Variants in MCPH1 observed in about 807,000 individuals in gnomAD.
MCPH1 encodes the protein microcephalin.
In MCPH1, 104 loss-of-function variants were observed where a neutral mutation model predicts 84.5. The observed-to-expected ratio is 1.23, with a 90% CI of 1.05 to 1.45. The LOEUF (loss-of-function observed/expected upper bound fraction) is 1.45, where lower values mean the gene tolerates loss of function less well. Ranked by LOEUF, MCPH1 falls within the 40% of genes most tolerant of loss-of-function variation. The probability of loss-of-function intolerance (pLI) is 0.00; values close to 1 mark genes in which losing one functional copy is unlikely to be tolerated. For missense variants in MCPH1, 1,498 were observed against 1,005.7 expected, an observed-to-expected ratio of 1.49 and a Z score of -6.62; for synonymous variants, 514 against 366.8, an observed-to-expected ratio of 1.40 and a Z score of -4.58.
intron 4 of MCPH1, among the ~76,000 whole-genome samples, chr8:6,433,392 G>A (rs1585729315): frequency 6.6e-6 from 1 of 152,088 alleles, no homozygotes; most frequent in Non-Finnish European, 1.5e-5. Flanking sequence ...CAGCACTTCA[G>A]AAGGCCAAGG....
intron 12 of MCPH1, among the ~76,000 whole-genome samples, chr8:6,512,227 T>C (rs1815287897): frequency 6.6e-6 from 1 of 152,240 alleles, no homozygotes; most frequent in Non-Finnish European, 1.5e-5. Context: ...CAGCAGGACA[T>C]ACTGGGCATT....
chr8:6,525,119 C>T (rs1438650341), intron 12 of MCPH1, among the ~76,000 whole-genome samples: 1 of 152,226 alleles, frequency 6.6e-6, no homozygotes, highest in Non-Finnish European at 1.5e-5. Context: ...CTCTTTAACC[C>T]TGCAAACAAT....
Position 6,431,540 on chromosome 8 carries a change from C to T in MCPH1, c.275C>T (p.Pro92Leu), listed in dbSNP as rs374287463. Residue 92 changes from proline (P) to leucine (L), a missense_variant, in exon 4 of 14, where the codon CCT becomes CTT. Physicochemically the swap from Pro to Leu is moderately conservative, Grantham distance 98. Coordinates refer to ENST00000344683, the MANE Select transcript of MCPH1 (RefSeq NM_024596.5). ...AGAHIDESLF[P>L]AANMNEHLSS... Reference sequence around the variant, plus strand: ...GCACACATTGATGAATCATTGTTCCCTGCAGCTAATATGAATGAACACTTA... The same window carrying T: ...GCACACATTGATGAATCATTGTTCCTTGCAGCTAATATGAATGAACACTTA... 13 of 1,613,174 alleles carry T rather than the reference C, an allele frequency of 8.1e-6. No homozygotes were observed. In the African/African-American group the frequency reaches 1.7e-4, roughly 22 times the overall value.
intron 12 of MCPH1, among the ~76,000 whole-genome samples, chr8:6,570,487 G>T (rs1045663129): frequency 1.3e-5 from 2 of 152,172 alleles, no homozygotes; most frequent in East Asian, 3.8e-4. Flanking sequence ...CATTATAGTT[G>T]TGTTTTCATT....
At chr8:6,468,050 G>A (rs1359667118) in intron 9 of MCPH1, among the ~76,000 whole-genome samples, 1 of 152,160 alleles carries the variant, frequency 6.6e-6, no homozygotes, top group Non-Finnish European at 1.5e-5. Flanking sequence ...CTTAGAGTGG[G>A]TAGTATAAGG....
At chr8:6,506,976 C>G (rs925088659) in intron 12 of MCPH1, among the ~76,000 whole-genome samples, 2 of 151,950 alleles carry the variant, frequency 1.3e-5, no homozygotes, top group Non-Finnish European at 2.9e-5. Flanking sequence ...CGGCTCATTG[C>G]AAACTCTGTC....
At chr8:6,521,783 G>C (rs1817389389) in intron 12 of MCPH1, among the ~76,000 whole-genome samples, 1 of 152,172 alleles carries the variant, frequency 6.6e-6, no homozygotes, top group Non-Finnish European at 1.5e-5. Flanking sequence ...TGAGAAGGGA[G>C]AGTTTCAACT....
chr8:6,513,779 C>G, intron 12 of MCPH1: 1 of 1,614,006 alleles, frequency 6.2e-7, no homozygotes, highest in East Asian at 2.2e-5. Context: ...CATAGCGTTG[C>G]TGATTAGTCA....
chr8:6,489,296 A>G (rs138428630), intron 11 of MCPH1, among the ~76,000 whole-genome samples: 47 of 151,832 alleles, frequency 3.1e-4, no homozygotes, highest in African/African-American at 9.4e-4. Flanking sequence ...CTGTGCCCCT[A>G]TGCAGAAGTC....
intron 8 of MCPH1, among the ~76,000 whole-genome samples, chr8:6,451,072 A>T (rs1046164682): frequency 4.6e-5 from 7 of 152,242 alleles, no homozygotes; most frequent in African/African-American, 1.4e-4. Context: ...TATTGTTGCA[A>T]ATAAATAGAT....
intron 12 of MCPH1, among the ~76,000 whole-genome samples, chr8:6,520,443 G>T (rs147444071): frequency 6.6e-6 from 1 of 152,102 alleles, no homozygotes; most frequent in East Asian, 1.9e-4. Flanking sequence ...TGAGGACATA[G>T]TGGGGTGCAG....
intron 11 of MCPH1, among the ~76,000 whole-genome samples, chr8:6,482,682 C>T (rs1278273237): frequency 6.6e-6 from 1 of 152,238 alleles, no homozygotes; most frequent in Admixed American, 6.5e-5. Flanking sequence ...TAGAGACCTG[C>T]TCCCTGGTTG....
At chr8:6,428,741 G>A (rs1328935761) in intron 3 of MCPH1, among the ~76,000 whole-genome samples, 2 of 142,406 alleles carry the variant, frequency 1.4e-5, no homozygotes, top group South Asian at 2.3e-4. Flanking sequence ...GGACACGTGC[G>A]CACGCACACA....
At position 6,644,893 on chromosome 8, in the gene MCPH1, T is replaced by C. The variant is rs1238072231; in HGVS notation, c.*1844T>C. 2 of 152,142 alleles carry C rather than the reference T, an allele frequency of 1.3e-5. No individual in the cohort carries two copies. Among genetic ancestry groups the C allele is most frequent in the Non-Finnish European group, 2.9e-5 (2 of 68,038 alleles). 9.4% of individuals were successfully genotyped at this position (152,142 alleles called of 1,614,324 possible). On this transcript the variant is annotated 3_prime_UTR_variant, in exon 14 of 14. Coordinates refer to ENST00000344683, the MANE Select transcript of MCPH1 (RefSeq NM_024596.5). The stretch of plus-strand genomic sequence containing the variant: ...TATAGAAAACCACAGAAACTGGAAA[T>C]AATGAAGGGTTGTCTCTTGGTTTTA...
intron 12 of MCPH1, among the ~76,000 whole-genome samples, chr8:6,569,922 T>G (rs1826521699): frequency 6.6e-6 from 1 of 152,146 alleles, no homozygotes; most frequent in Non-Finnish European, 1.5e-5. Flanking sequence ...TCACCAGACA[T>G]CTCATGTGGA....
chr8:6,526,257 T>TGAAA, intron 12 of MCPH1, among the ~76,000 whole-genome samples: 1 of 77,502 alleles, frequency 1.3e-5, no homozygotes, highest in African/African-American at 4.2e-5. Flanking sequence ...TTGCCTCTAC[T>TGAAA]AAAAAAAAAA....
At chr8:6,420,015 G>A (rs1799934290) in intron 3 of MCPH1, among the ~76,000 whole-genome samples, 1 of 151,492 alleles carries the variant, frequency 6.6e-6, no homozygotes, top group Non-Finnish European at 1.5e-5. Context: ...CAGTTCTGCT[G>A]TCTTGCATAG....
intron 1 of MCPH1, among the ~76,000 whole-genome samples, chr8:6,407,701 G>A (rs1267852546): frequency 1.3e-5 from 2 of 152,010 alleles, no homozygotes; most frequent in Admixed American, 1.3e-4. Flanking sequence ...TTCTTTTAGC[G>A]TTACCCCCAA....
chr8:6,460,154 C>T (rs1325807891), intron 9 of MCPH1, among the ~76,000 whole-genome samples: 4 of 151,926 alleles, frequency 2.6e-5, no homozygotes, highest in African/African-American at 9.7e-5. Context: ...CTCACGCCTC[C>T]ATTGCTGGGA....
Sources: gnomAD v4.1 joint callset for allele counts (sites outside exome capture counted in the v4.1 genomes callset) on GRCh38, gnomAD v4.1.1 for gene constraint, MANE v1.5 for transcripts, NCBI Gene and HGNC (gene_info 2026-07-23, HGNC 2026-07-21) for gene names.